The following SRRM3 variants were observed in gnomAD, a reference collection of about 807,000 sequenced individuals.
The protein encoded by SRRM3 is serine/arginine repetitive matrix protein 3.
SRRM3 carries 27 observed loss-of-function variants against 66.2 expected under a neutral mutation model. The ratio of observed to expected loss-of-function variants is 0.41; its 90% CI spans 0.30 to 0.56. SRRM3 has a LOEUF of 0.56. SRRM3 is among the 20% of genes least tolerant of loss of function. SRRM3 has a pLI of 0.32. For missense variants in SRRM3, 918 were observed against 991.9 expected (o/e 0.93, Z 1.00); for synonymous variants, 391 against 414.9 (o/e 0.94, Z 0.70).
In SRRM3 at chr7:76,281,707, G is replaced by A; in HGVS notation, c.1275G>A (p.Arg425=). The change falls in exon 12 of 15, where the codon AGG becomes AGA. Residue 425 remains arginine (R), a synonymous_variant. Coordinates refer to ENST00000611745, the MANE Select transcript of SRRM3 (RefSeq NM_001110199.3). ...PPRGSSRSLS[R]ARSSSDSGSG... ...GGGGCTCGTCGCGCTCGCTCAGCAGGGCCCGCTCCAGCAGCGACTCCGGCA... is the reference window on the plus strand; with the variant it reads ...GGGGCTCGTCGCGCTCGCTCAGCAGAGCCCGCTCCAGCAGCGACTCCGGCA... The A allele has an allele frequency of 8.5e-7, 1 of 1,182,746 alleles. No individual in the cohort carries two copies. 73.3% of individuals were successfully genotyped at this position (1,182,746 alleles called of 1,614,324 possible). A position where few individuals can be genotyped will look rare whatever the true frequency, so the allele number is the denominator to read the frequency against.
chr7:76,240,286 C>G (rs1186829237), intron 2 of SRRM3, among the ~76,000 whole-genome samples: 1 of 151,990 alleles, frequency 6.6e-6, no homozygotes, highest in Non-Finnish European at 1.5e-5. Flanking sequence ...GAGTTTGAGA[C>G]CAGCCTGTGT....
At chr7:76,247,998 C>CTTGTG (rs1470160617) in intron 2 of SRRM3, among the ~76,000 whole-genome samples, 190 bp from the exon 3 acceptor site, 1 of 152,020 alleles carries the variant, frequency 6.6e-6, no homozygotes, top group African/African-American at 2.4e-5. Context: ...CCTGGCCAGG[C>CTTGTG]TTGTGTACAG....
intron 3 of SRRM3, among the ~76,000 whole-genome samples, chr7:76,251,097 C>A (rs560271579): frequency 2.0e-5 from 3 of 152,338 alleles, no homozygotes; most frequent in African/African-American, 4.8e-5. Flanking sequence ...TGAGGAAGAG[C>A]GTGCTGCCGG....
intron 5 of SRRM3, 92 bp from the exon 6 acceptor site, chr7:76,260,782 T>A (rs1394609572): frequency 1.0e-5 from 13 of 1,255,156 alleles, no homozygotes; most frequent in Non-Finnish European, 1.4e-5. Flanking sequence ...CTGTCCACCC[T>A]CCCCTGTCCT....
At chr7:76,249,976 G>A (rs59773978) in intron 3 of SRRM3, among the ~76,000 whole-genome samples, 6,304 of 151,964 alleles carry the variant, frequency 0.041, 310 homozygotes, top group African/African-American at 0.12. Flanking sequence ...TTGCTGTTCC[G>A]CTATCCCAGC....
chr7:76,229,106 G>A (rs1181116031), intron 1 of SRRM3, among the ~76,000 whole-genome samples: 1 of 151,852 alleles, frequency 6.6e-6, no homozygotes, highest in Non-Finnish European at 1.5e-5. Context: ...CACCATGTTA[G>A]CCAGGATGGT....
At chr7:76,240,487 G>A (rs1285823945) in intron 2 of SRRM3, among the ~76,000 whole-genome samples, 2 of 151,824 alleles carry the variant, frequency 1.3e-5, no homozygotes, top group African/African-American at 4.8e-5. Flanking sequence ...GGGTGTGGTG[G>A]CAGGTGCCTG....
chr7:76,239,234 A>C (rs1279950231), intron 2 of SRRM3, among the ~76,000 whole-genome samples: 1 of 152,010 alleles, frequency 6.6e-6, no homozygotes, highest in African/African-American at 2.4e-5. Flanking sequence ...GGGTTTCACC[A>C]TGTTGGCCAG....
At chr7:76,202,534 T>C (rs1359230268) in intron 1 of SRRM3, among the ~76,000 whole-genome samples, 5 of 152,084 alleles carry the variant, frequency 3.3e-5, no homozygotes, top group Admixed American at 2.0e-4. Flanking sequence ...CTTTCCCGGC[T>C]ACCCAAATGC....
intron 11 of SRRM3, among the ~76,000 whole-genome samples, chr7:76,274,123 T>C (rs1323336632): frequency 6.6e-6 from 1 of 152,272 alleles, no homozygotes; most frequent in African/African-American, 2.4e-5. Flanking sequence ...TTCAGGGCCC[T>C]TTCGGGCAAA....
chr7:76,242,269 G>A (rs1801322877), intron 2 of SRRM3, among the ~76,000 whole-genome samples: 1 of 152,218 alleles, frequency 6.6e-6, no homozygotes, highest in Admixed American at 6.5e-5. Context: ...TGGATCACCT[G>A]AGGTCGGGAG....
intron 10 of SRRM3, among the ~76,000 whole-genome samples, chr7:76,266,847 AT>A (rs1802072496): frequency 6.6e-6 from 1 of 150,622 alleles, no homozygotes; most frequent in South Asian, 2.1e-4. Flanking sequence ...TAATTTTTGT[AT>A]TTTTAGCGGA....
intron 1 of SRRM3, among the ~76,000 whole-genome samples, chr7:76,209,432 C>G (rs1354545081): frequency 6.6e-6 from 1 of 152,068 alleles, no homozygotes; most frequent in African/African-American, 2.4e-5. Context: ...AGGTGCCAGA[C>G]AGAGAGGGCA....
In SRRM3 at chr7:76,263,875, G is replaced by GCCAAAAAAAAAAAAAAAAAAA. The variant is rs1243393227; in HGVS notation, c.675-890_675-889insCCAAAAAAAAAAAAAAAAAAA. 1.5e-4 allele frequency among the ~76,000 whole-genome samples: 4 copies of GCCAAAAAAAAAAAAAAAAAAA among 26,758 alleles called. 1 individual carries two copies. The highest frequency in any genetic ancestry group is 1.4e-4 in the Non-Finnish European group (2 of 14,534). 17.6% of individuals were successfully genotyped at this position (26,758 alleles called of 152,430 possible). A position where few individuals can be genotyped will look rare whatever the true frequency, so the allele number is the denominator to read the frequency against. ...GCAACAGAGCGGGACTCTGTCTCAAGACAAAAAAAAAAAAAAAAAAAAAAA... is the reference window on the plus strand; with the variant it reads ...GCAACAGAGCGGGACTCTGTCTCAAGCCAAAAAAAAAAAAAAAAAAAACAAAAAAAAAAAAAAAAAAAAAAA... On this transcript the variant is annotated intron_variant, in intron 8 of 14. Coordinates refer to ENST00000611745, the MANE Select transcript of SRRM3 (RefSeq NM_001110199.3).
intron 2 of SRRM3, among the ~76,000 whole-genome samples, chr7:76,240,895 T>C (rs914481881): frequency 6.6e-6 from 1 of 151,812 alleles, no homozygotes; most frequent in African/African-American, 2.4e-5. Context: ...ACGTTGTTTT[T>C]TTGGTTTTTT....
chr7:76,283,396 G>C (rs1197495529), intron 14 of SRRM3: 1 of 548,512 alleles, frequency 1.8e-6, no homozygotes, highest in Non-Finnish European at 3.4e-6. Context: ...TCTGTACTTG[G>C]GTCTGGGTGG....
At chr7:76,244,711 C>A (rs531427313) in intron 2 of SRRM3, among the ~76,000 whole-genome samples, 1 of 152,312 alleles carries the variant, frequency 6.6e-6, no homozygotes, top group Non-Finnish European at 1.5e-5. Flanking sequence ...CAAGACCTCT[C>A]TCCCTGCTCT....
rs782049483 is a variant in SRRM3, at chr7:76,261,556, G to T, written c.649G>T (p.Gly217Trp). Reference protein sequence around the residue: ...KKHRRDRSDSGSRRKRRHRSR... With the variant: ...KKHRRDRSDSWSRRKRRHRSR... ...TTTATCGCCCTACAGGTCTGATTCT[G>T]GGTCCCGGAGGAAGAGACGGCACAG... Residue 217 changes from glycine to tryptophan, a missense_variant, in exon 8 of 15, where the codon GGG becomes TGG. Coordinates refer to ENST00000611745, the MANE Select transcript of SRRM3 (RefSeq NM_001110199.3). The T allele has an allele frequency of 6.2e-7, 1 of 1,612,040 alleles. No individual in the cohort carries two copies. Among genetic ancestry groups the T allele is most frequent in the Non-Finnish European group, 8.5e-7 (1 of 1,179,204 alleles).
At chr7:76,245,900 G>A (rs1259607817) in intron 2 of SRRM3, among the ~76,000 whole-genome samples, 1 of 152,076 alleles carries the variant, frequency 6.6e-6, no homozygotes, top group African/African-American at 2.4e-5. Context: ...GTTTCACCAT[G>A]TTGGCCAGGC....
Sources: allele counts gnomAD v4.1 joint callset (sites outside exome capture counted in the v4.1 genomes callset), GRCh38; gene constraint gnomAD v4.1.1; transcripts MANE v1.5; gene names NCBI Gene and HGNC (gene_info 2026-07-23, HGNC 2026-07-21).